Variants in ABCB5 observed in about 807,000 individuals in gnomAD.
ABCB5 encodes the protein ATP binding cassette subfamily B member 5.
ABCB5 carries 155 observed loss-of-function variants against 144.2 expected under a neutral mutation model. The ratio of observed to expected loss-of-function variants is 1.08; its 90% CI spans 0.94 to 1.23. The LOEUF is 1.23. Among genes scored for constraint, ABCB5 ranks in the 50% most tolerant of loss-of-function variants. The probability of loss-of-function intolerance (pLI) is 0.00; values close to 1 mark genes in which losing one functional copy is unlikely to be tolerated. For synonymous variants in ABCB5, 610 were observed against 528.6 expected (o/e 1.15, Z -2.11); for missense variants, 1,830 against 1,520.8 (o/e 1.20, Z -3.38).
At chr7:20,628,282 G>A (rs1783953523) in intron 3 of ABCB5, among the ~76,000 whole-genome samples, 1 of 152,068 alleles carries the variant, frequency 6.6e-6, no homozygotes, top group African/African-American at 2.4e-5. Flanking sequence ...CCTTGTAATA[G>A]TTTGCTGAGT....
Position 20,737,157 on chromosome 7 carries a change from T to TAAAAAAAAAAA in ABCB5, c.2868-1823_2868-1813dup, listed in dbSNP as rs112403845. 1.0e-3 allele frequency among the ~76,000 whole-genome samples: 146 copies of TAAAAAAAAAAA among 142,770 alleles called. 4 individuals carry two copies. In the East Asian group the frequency reaches 0.023, roughly 23 times the overall value. The allele number at this position is 142,770 out of a possible 152,430, so 93.7% of individuals were successfully genotyped here. A position where few individuals can be genotyped will look rare whatever the true frequency, so the allele number is the denominator to read the frequency against. On this transcript the variant is annotated intron_variant, in intron 23 of 27. Coordinates refer to ENST00000404938, the MANE Select transcript of ABCB5 (RefSeq NM_001163941.2). ...TGAATGACAAAGCAAGACTCTGTCT[T>TAAAAAAAAAAA]AAAAAAAAAAAAAGATGAAGAAGAT...
rs954994181 is a variant in ABCB5 at position 20,645,870 on chromosome 7, G to C, written c.793G>C (p.Glu265Gln). 6.2e-7 allele frequency: 1 copy of C among 1,613,456 alleles called. No individual in the cohort carries two copies. The highest frequency in any genetic ancestry group is 1.3e-5 in the African/African-American group (1 of 74,922). The change falls in exon 8 of 28, where the codon GAA becomes CAA. Residue 265 changes from glutamate to glutamine, a missense_variant. By Grantham distance (29) the Glu-to-Gln change is conservative. Transcript: ENST00000404938. ...TVIAFRAQEK[E>Q]LQRYTQNLKD... ...CATAGCCTTTAGGGCCCAGGAGAAA[G>C]AACTTCAAAGGTCTTTCCTTTTAAA...
chr7:20,663,979 G>A, intron 14 of ABCB5, among the ~76,000 whole-genome samples: 1 of 151,542 alleles, frequency 6.6e-6, no homozygotes, highest in South Asian at 2.1e-4. Context: ...GCCTCCCAAA[G>A]TGCTGGGTTT....
rs1782617304 is a variant in ABCB5 at position 20,743,209 on chromosome 7, T to C, written c.3222+135T>C. 3 of 909,076 alleles carry C rather than the reference T, an allele frequency of 3.3e-6. No homozygotes were observed. In the African/African-American group the frequency reaches 5.0e-5, roughly 15 times the overall value. The allele number at this position is 909,076 out of a possible 1,614,324, so 56.3% of individuals were successfully genotyped here. Reference sequence around the variant, plus strand: ...GTTAAAAAGAAAAAAAATCTCTGTGTCAACCCTTAACTAAGAGGACAAGCA... The same window carrying C: ...GTTAAAAAGAAAAAAAATCTCTGTGCCAACCCTTAACTAAGAGGACAAGCA... On this transcript the variant is annotated intron_variant, in intron 25 of 27. Transcript: ENST00000404938.
intron 17 of ABCB5, among the ~76,000 whole-genome samples, chr7:20,699,475 C>T (rs934130253): frequency 2.6e-5 from 4 of 151,832 alleles, no homozygotes; most frequent in African/African-American, 7.3e-5. Flanking sequence ...CGGAGGCAGC[C>T]GGATCACTTG....
intron 23 of ABCB5, among the ~76,000 whole-genome samples, chr7:20,729,312 G>C (rs978988660): frequency 6.6e-6 from 1 of 152,194 alleles, no homozygotes; most frequent in Non-Finnish European, 1.5e-5. Context: ...TCATCCCTTA[G>C]GAAATTTGTG....
chr7:20,660,745 T>C (rs951872709), intron 14 of ABCB5, among the ~76,000 whole-genome samples: 1 of 152,166 alleles, frequency 6.6e-6, no homozygotes, highest in African/African-American at 2.4e-5. Flanking sequence ...TTTATGCTGC[T>C]CAAAATATCC....
intron 4 of ABCB5, among the ~76,000 whole-genome samples, chr7:20,629,185 T>TG (rs1783977976): frequency 2.1e-5 from 3 of 144,954 alleles, no homozygotes; most frequent in African/African-American, 7.7e-5. Flanking sequence ...TGTGTGTGTG[T>TG]AAAGAGTGAG....
At position 20,700,148 on chromosome 7, in the gene ABCB5, T is replaced by C. The variant is rs779628875; in HGVS notation, c.2337+13T>C. 2 of 1,462,830 alleles carry C rather than the reference T, an allele frequency of 1.4e-6. No homozygotes were observed. Among genetic ancestry groups the C allele is most frequent in the African/African-American group, 2.2e-5 (1 of 44,864 alleles). The allele number at this position is 1,462,830 out of a possible 1,614,324, so 90.6% of individuals were successfully genotyped here. On this transcript the variant is annotated intron_variant, in intron 19 of 27. Coordinates refer to ENST00000404938, the MANE Select transcript of ABCB5 (RefSeq NM_001163941.2). ...CATGTTATATCAGGTCAGTGATAAG[T>C]TGATTTTTTTTTTATTTTATTTAAA...
intron 23 of ABCB5, among the ~76,000 whole-genome samples, chr7:20,734,572 G>T (rs182787788): frequency 6.6e-6 from 1 of 151,438 alleles, no homozygotes; most frequent in East Asian, 1.9e-4. Context: ...ATACACAAAG[G>T]GAGTTTTAAC....
At chr7:20,640,147 T>C (rs1246755866) in intron 5 of ABCB5, among the ~76,000 whole-genome samples, 1 of 152,218 alleles carries the variant, frequency 6.6e-6, no homozygotes, top group East Asian at 1.9e-4. Context: ...AAGCCTGTAG[T>C]GTTCCATCCT....
chr7:20,628,177 G>C (rs1336078253), intron 3 of ABCB5, among the ~76,000 whole-genome samples: 1 of 151,044 alleles, frequency 6.6e-6, no homozygotes, highest in East Asian at 1.9e-4. Context: ...CCCCACAACA[G>C]GCCCCGGTGT....
chr7:20,666,366 G>A lies in ABCB5; in HGVS notation c.1707+7690G>A, dbSNP rs75335801. On this transcript the variant is annotated intron_variant, in intron 14 of 27. Coordinates refer to ENST00000404938, the MANE Select transcript of ABCB5 (RefSeq NM_001163941.2). ...GCTGACACGCTTTCCCAGAAACTGT[G>A]TTATGCCTGGTAATGGACCCTCTCA... Among the ~76,000 whole-genome samples the A allele has an allele frequency of 2.4e-3, 371 of 152,218 alleles. 7 individuals carry two copies. In the South Asian group the frequency reaches 0.044, roughly 18 times the overall value.
rs560447474 is a variant in ABCB5 at position 20,756,005 on chromosome 7, T to C, written c.*381T>C. 518 of 230,492 alleles carry C rather than the reference T, an allele frequency of 2.2e-3. 2 individuals carry two copies. Among genetic ancestry groups the C allele is most frequent in the Non-Finnish European group, 3.8e-3 (442 of 115,514 alleles). 14.3% of individuals were successfully genotyped at this position (230,492 alleles called of 1,614,324 possible). A position where few individuals can be genotyped will look rare whatever the true frequency, so the allele number is the denominator to read the frequency against. ...AGGTTTTAGCAAAGGCAGTGTAAGATAGAGTGGGGCCTGTAGCATTGCAGG... is the reference window on the plus strand; with the variant it reads ...AGGTTTTAGCAAAGGCAGTGTAAGACAGAGTGGGGCCTGTAGCATTGCAGG... On this transcript the variant is annotated 3_prime_UTR_variant, in exon 28 of 28. Coordinates refer to ENST00000404938, the MANE Select transcript of ABCB5 (RefSeq NM_001163941.2).
intron 23 of ABCB5, among the ~76,000 whole-genome samples, chr7:20,737,483 A>G (rs1167973349): frequency 1.3e-5 from 2 of 152,202 alleles, no homozygotes; most frequent in East Asian, 3.8e-4. Flanking sequence ...CCTAACAAGG[A>G]TGTCTGCCTC....
At chr7:20,691,944 A>G in intron 16 of ABCB5, among the ~76,000 whole-genome samples, 1 of 152,184 alleles carries the variant, frequency 6.6e-6, no homozygotes, top group South Asian at 2.1e-4. Context: ...CAAAATGAAG[A>G]GAAAAATCAG....
rs377174576 is a variant in ABCB5 at position 20,650,073 on chromosome 7, G to A, written c.1258G>A (p.Val420Ile). The A allele has an allele frequency of 1.2e-6, 2 of 1,613,538 alleles. No individual in the cohort carries two copies. The highest frequency in any genetic ancestry group is 2.7e-5 in the African/African-American group (2 of 74,892). The change falls in exon 12 of 28, where the codon GTC becomes ATC. Residue 420 changes from valine to isoleucine, a missense_variant. Coordinates refer to ENST00000404938, the MANE Select transcript of ABCB5 (RefSeq NM_001163941.2). ...TAAGTCTGGAGAGACAGTCGCCTTGGTCGGTCTCAATGGCAGTGGGAAGAG... is the reference window on the plus strand; with the variant it reads ...TAAGTCTGGAGAGACAGTCGCCTTGATCGGTCTCAATGGCAGTGGGAAGAG... ...RIKSGETVAL[V>I]GLNGSGKSTV...
At chr7:20,648,808 T>C (rs185625391) in intron 11 of ABCB5, among the ~76,000 whole-genome samples, 8 of 152,354 alleles carry the variant, frequency 5.3e-5, no homozygotes, top group African/African-American at 1.9e-4. Flanking sequence ...TCCTTATTTT[T>C]TTTCTGATTA....
chr7:20,617,335 A>C (rs12667934), intron 1 of ABCB5, among the ~76,000 whole-genome samples: 14,938 of 152,220 alleles, frequency 0.098, 767 homozygotes, highest in East Asian at 0.15. Flanking sequence ...ATGTGGGGCA[A>C]GGCCTAGGTA....
Sources: allele counts gnomAD v4.1 joint callset (sites outside exome capture counted in the v4.1 genomes callset), GRCh38; gene constraint gnomAD v4.1.1; transcripts MANE v1.5; gene names NCBI Gene and HGNC (gene_info 2026-07-23, HGNC 2026-07-21).